The following GRB10 variants were observed in gnomAD, a reference collection of about 807,000 sequenced individuals.
GRB10 encodes growth factor receptor-bound protein 10.
GRB10 carries 20 observed loss-of-function variants against 80.9 expected under a neutral mutation model. The observed-to-expected ratio is 0.25, with a 90% CI of 0.17 to 0.36. The LOEUF is 0.36. Ranked by LOEUF, GRB10 falls within the 10% of genes least tolerant of loss-of-function variation. The probability of loss-of-function intolerance (pLI) is 1.00; values close to 1 mark genes in which losing one functional copy is unlikely to be tolerated. For synonymous variants in GRB10, 291 were observed against 291.5 expected, an observed-to-expected ratio of 1.00 and a Z score of 0.02; for missense variants, 548 against 747.7, an observed-to-expected ratio of 0.73 and a Z score of 3.12.
At chr7:50,769,968 A>G (rs2076814802) in intron 2 of GRB10, among the ~76,000 whole-genome samples, 1 of 152,186 alleles carries the variant, frequency 6.6e-6, no homozygotes, top group Admixed American at 6.5e-5. Context: ...AAACGGTCGT[A>G]TATACCTGGG....
intron 5 of GRB10, among the ~76,000 whole-genome samples, chr7:50,691,106 C>A (rs920946576): frequency 2.6e-5 from 4 of 152,062 alleles, no homozygotes; most frequent in African/African-American, 9.7e-5. Context: ...GGAATAAGCA[C>A]AATTAAAGGG....
intron 2 of GRB10, among the ~76,000 whole-genome samples, chr7:50,757,034 G>A (rs1249101698): frequency 6.6e-6 from 1 of 152,140 alleles, no homozygotes; most frequent in Non-Finnish European, 1.5e-5. Flanking sequence ...GTTAAACGGT[G>A]AAAATGAAAC....
At chr7:50,629,187 G>C (rs1398072759) in intron 7 of GRB10, among the ~76,000 whole-genome samples, 1 of 152,140 alleles carries the variant, frequency 6.6e-6, no homozygotes, top group South Asian at 2.1e-4. Flanking sequence ...TTATGTTGAA[G>C]TGTGTGTCTC....
chr7:50,605,990 T>C (rs1489004066), intron 14 of GRB10, among the ~76,000 whole-genome samples: 1 of 152,196 alleles, frequency 6.6e-6, no homozygotes, highest in Non-Finnish European at 1.5e-5. Context: ...ACAGTTCCCA[T>C]GGGTCCCAAG....
intron 3 of GRB10, among the ~76,000 whole-genome samples, chr7:50,743,504 C>T (rs2153697685): frequency 6.6e-6 from 1 of 152,354 alleles, no homozygotes; most frequent in East Asian, 1.9e-4. Flanking sequence ...TTGTGGGAAG[C>T]ATCAAGTCCC....
intron 1 of GRB10, among the ~76,000 whole-genome samples, chr7:50,788,564 T>C (rs1562723881): frequency 6.6e-6 from 1 of 152,106 alleles, no homozygotes; most frequent in Non-Finnish European, 1.5e-5. Flanking sequence ...ACATTAGCTC[T>C]AGTGACCTTA....
At chr7:50,709,346 G>A (rs965411862) in intron 4 of GRB10, among the ~76,000 whole-genome samples, 7 of 152,196 alleles carry the variant, frequency 4.6e-5, no homozygotes, top group Non-Finnish European at 1.0e-4. Context: ...GAGCTGCATC[G>A]ACCAACAGCT....
intron 4 of GRB10, among the ~76,000 whole-genome samples, chr7:50,728,124 C>G (rs189884668): frequency 7.9e-5 from 12 of 152,192 alleles, no homozygotes; most frequent in Admixed American, 6.5e-4. Flanking sequence ...ATCTTCGTAA[C>G]TTCCCACCTC....
At chr7:50,594,091 A>C (rs960271083) in intron 18 of GRB10, among the ~76,000 whole-genome samples, 1 of 152,186 alleles carries the variant, frequency 6.6e-6, no homozygotes, top group Non-Finnish European at 1.5e-5. Flanking sequence ...CAGTAGAAGA[A>C]CAAAAAGGAT....
intron 5 of GRB10, among the ~76,000 whole-genome samples, chr7:50,692,935 A>C (rs2062995082): frequency 6.6e-6 from 1 of 152,166 alleles, no homozygotes; most frequent in African/African-American, 2.4e-5. Context: ...GCAAGTTATC[A>C]AACCTCTCAG....
intron 7 of GRB10, among the ~76,000 whole-genome samples, chr7:50,657,670 T>G (rs576784488): frequency 5.3e-5 from 8 of 152,264 alleles, no homozygotes; most frequent in Admixed American, 1.3e-4. Context: ...ATAAACCATG[T>G]TAGTCATTAG....
chr7:50,606,785 A>C (rs2048618920), intron 13 of GRB10: 1 of 317,338 alleles, frequency 3.2e-6, no homozygotes, highest in African/African-American at 2.2e-5. Flanking sequence ...CATAAGAGAC[A>C]ATACAATTAT....
intron 3 of GRB10, among the ~76,000 whole-genome samples, chr7:50,753,756 G>A (rs1004195501): frequency 1.3e-5 from 2 of 152,188 alleles, no homozygotes; most frequent in African/African-American, 2.4e-5. Context: ...ACGAAGTTTT[G>A]TTTCAATGCC....
At chr7:50,775,368 T>A (rs2153711132) in intron 2 of GRB10, among the ~76,000 whole-genome samples, 1 of 152,212 alleles carries the variant, frequency 6.6e-6, no homozygotes, top group East Asian at 1.9e-4. Flanking sequence ...AGGAGTTGGG[T>A]TCCCAAGGAC....
At chr7:50,715,508 C>T (rs1273831538) in intron 4 of GRB10, among the ~76,000 whole-genome samples, 2 of 152,130 alleles carry the variant, frequency 1.3e-5, no homozygotes, top group East Asian at 3.9e-4. Context: ...AACAGTTCAC[C>T]TCGCCCTTCA....
intron 7 of GRB10, among the ~76,000 whole-genome samples, chr7:50,663,864 C>T (rs2059532946): frequency 6.6e-6 from 1 of 152,232 alleles, no homozygotes; most frequent in African/African-American, 2.4e-5. Context: ...ATAGGAGTCA[C>T]CTCGCAGGAT....
upstream of GRB10, among the ~76,000 whole-genome samples, chr7:50,786,707 A>G (rs917039000): frequency 1.3e-5 from 2 of 152,246 alleles, no homozygotes; most frequent in African/African-American, 2.4e-5. Flanking sequence ...CAAAAAGTTG[A>G]CATCTTGTGC....
chr7:50,664,717 G>C (rs1246824439), intron 7 of GRB10, among the ~76,000 whole-genome samples: 2 of 152,188 alleles, frequency 1.3e-5, no homozygotes, highest in Admixed American at 1.3e-4. Context: ...CAGAGACCCA[G>C]TGGCACCAAC....
chr7:50,732,547 C>T (rs1358518450), intron 3 of GRB10, among the ~76,000 whole-genome samples, 179 bp from the exon 4 acceptor site: 1 of 152,154 alleles, frequency 6.6e-6, no homozygotes, highest in East Asian at 1.9e-4. Context: ...TGGTCCCCAA[C>T]TATGGTGCCC....
Sources: gnomAD v4.1 joint callset for allele counts (sites outside exome capture counted in the v4.1 genomes callset) on GRCh38, gnomAD v4.1.1 for gene constraint, MANE v1.5 for transcripts, NCBI Gene and HGNC (gene_info 2026-07-23, HGNC 2026-07-21) for gene names.